The following ATXN7 variants were observed in gnomAD, a reference collection of about 807,000 sequenced individuals.
ATXN7 encodes the protein ataxin 7.
A neutral mutation model predicts 70.5 loss-of-function variants in ATXN7; 12 were observed. The observed-to-expected ratio is 0.17, with a 90% CI of 0.11 to 0.28. The LOEUF is 0.28. ATXN7 is among the 10% of genes least tolerant of loss of function. The pLI is 1.00. For missense variants in ATXN7, 1,256 were observed against 1,131.7 expected, an observed-to-expected ratio of 1.11 and a Z score of -1.58; for synonymous variants, 498 against 448.7, an observed-to-expected ratio of 1.11 and a Z score of -1.39.
At chr3:63,957,037 G>A (rs1055534314) in intron 5 of ATXN7, among the ~76,000 whole-genome samples, 2 of 152,132 alleles carry the variant, frequency 1.3e-5, no homozygotes, top group African/African-American at 2.4e-5. Flanking sequence ...CATTTACTCT[G>A]GATCTGAATG....
intron 2 of ATXN7, among the ~76,000 whole-genome samples, chr3:63,899,356 C>T (rs1703544229): frequency 6.6e-6 from 1 of 152,128 alleles, no homozygotes; most frequent in Non-Finnish European, 1.5e-5. Context: ...GCCACCAACG[C>T]CTGGCACATT....
intron 8 of ATXN7, among the ~76,000 whole-genome samples, chr3:63,984,474 G>A (rs1478192027): frequency 2.0e-5 from 3 of 152,196 alleles, no homozygotes; most frequent in East Asian, 3.9e-4. Flanking sequence ...CTAAGAGAAT[G>A]TGTGAAAGCA....
intron 1 of ATXN7, among the ~76,000 whole-genome samples, chr3:63,881,783 C>T (rs1289321562): frequency 6.6e-6 from 1 of 152,156 alleles, no homozygotes; most frequent in African/African-American, 2.4e-5. Flanking sequence ...CCACTGCACC[C>T]AGCCGCTTGA....
intron 1 of ATXN7, among the ~76,000 whole-genome samples, chr3:63,875,468 C>T (rs550610744): frequency 5.9e-5 from 9 of 152,164 alleles, no homozygotes; most frequent in Admixed American, 2.6e-4. Context: ...GTCTAGTAGT[C>T]ACCTTGGTAA....
chr3:63,897,079 A>G (rs1487578344), intron 1 of ATXN7, among the ~76,000 whole-genome samples: 2 of 152,242 alleles, frequency 1.3e-5, no homozygotes, highest in African/African-American at 4.8e-5. Flanking sequence ...TGTCTCTATC[A>G]TGACAATTTG....
At chr3:63,981,375 C>G (rs1411159113) in intron 6 of ATXN7, among the ~76,000 whole-genome samples, 1 of 152,234 alleles carries the variant, frequency 6.6e-6, no homozygotes, top group African/African-American at 2.4e-5. Flanking sequence ...GCCAGCTTAA[C>G]AGCTGTTAGA....
chr3:63,911,586 A>G (rs577658202), intron 2 of ATXN7: 1 of 152,284 alleles, frequency 6.6e-6, no homozygotes, highest in South Asian at 2.1e-4. Flanking sequence ...TGGTGCCTCT[A>G]AAATATGTAC....
chr3:63,912,988 C>G (rs529226400), intron 3 of ATXN7, 65 bp downstream of exon 3: 1 of 1,392,398 alleles, frequency 7.2e-7, no homozygotes, highest in Non-Finnish European at 9.8e-7. Flanking sequence ...CCTCCCCTCC[C>G]CCCTGCCCCC....
intron 4 of ATXN7, among the ~76,000 whole-genome samples, chr3:63,935,390 T>G (rs941527863): frequency 1.3e-5 from 2 of 152,178 alleles, no homozygotes; most frequent in East Asian, 3.9e-4. Flanking sequence ...TTCTCTTGTT[T>G]TAGTATTTCT....
chr3:63,952,093 G>A (rs2074964188), intron 4 of ATXN7, among the ~76,000 whole-genome samples: 1 of 152,114 alleles, frequency 6.6e-6, no homozygotes, highest in Admixed American at 6.6e-5. Context: ...TTAACTCTTG[G>A]TAGAGTTCAT....
Position 63,980,123 on chromosome 3 carries a change from G to A in ATXN7, c.708G>A (p.Arg236=). 2 of 1,614,162 alleles carry A rather than the reference G, an allele frequency of 1.2e-6. No individual in the cohort carries two copies. Among genetic ancestry groups the A allele is most frequent in the Non-Finnish European group, 1.7e-6 (2 of 1,180,022 alleles). Residue 236 remains arginine, a synonymous_variant, in exon 6 of 13, where the codon AGG becomes AGA. Coordinates refer to ENST00000674280, the MANE Select transcript of ATXN7 (RefSeq NM_001377405.1). Reference sequence around the variant, plus strand: ...AACTGCAGCTCAGGGGGAACACCAGGCCAATGCATCCCATTCAGCAAAGTA... The same window carrying A: ...AACTGCAGCTCAGGGGGAACACCAGACCAATGCATCCCATTCAGCAAAGTA... ...KEKLQLRGNT[R]PMHPIQQSRV... is the part of the protein sequence containing the mutation.
chr3:63,876,864 T>TC (rs1702760850), intron 1 of ATXN7, among the ~76,000 whole-genome samples: 1 of 152,244 alleles, frequency 6.6e-6, no homozygotes, highest in South Asian at 2.1e-4. Context: ...CTGCATATGA[T>TC]ATCATCTGCA....
In ATXN7 at chr3:64,001,220, A is replaced by G. The variant is rs554914439; in HGVS notation, c.*1753A>G. 1 of 152,346 alleles carries G rather than the reference A, an allele frequency of 6.6e-6. No individual in the cohort carries two copies. Among genetic ancestry groups the G allele is most frequent in the South Asian group, 2.1e-4 (1 of 4,824 alleles). 9.4% of individuals were successfully genotyped at this position (152,346 alleles called of 1,614,324 possible). On this transcript the variant is annotated 3_prime_UTR_variant, in exon 13 of 13. Coordinates refer to ENST00000674280, the MANE Select transcript of ATXN7 (RefSeq NM_001377405.1). ...ATACTTTAGCTATAAATTGATGTAAAATACTGATTTTTTTAAAGGAAGGAG... is the reference window on the plus strand; with the variant it reads ...ATACTTTAGCTATAAATTGATGTAAGATACTGATTTTTTTAAAGGAAGGAG...
At position 63,912,684 on chromosome 3, in the gene ATXN7, GGCAGCA is replaced by G. The variant is rs193922929; in HGVS notation, c.113_118del (p.Gln38_Gln39del). 1,358 of 1,087,052 alleles carry G rather than the reference GGCAGCA, an allele frequency of 1.2e-3. No homozygotes were observed. The highest frequency in any genetic ancestry group is 3.6e-3 in the African/African-American group (205 of 57,714). 67.3% of individuals were successfully genotyped at this position (1,087,052 alleles called of 1,614,324 possible). A position where few individuals can be genotyped will look rare whatever the true frequency, so the allele number is the denominator to read the frequency against. ...GGCGGAGCAGCGGCCGCGGCCGCCC[GGCAGCA>G]GCAGCAGCAGCAGCAGCAGCAGCAG... is the stretch of plus-strand genomic sequence containing the variant. On this transcript the variant is annotated inframe_deletion, in exon 3 of 13. Coordinates refer to ENST00000674280, the MANE Select transcript of ATXN7 (RefSeq NM_001377405.1).
At chr3:63,997,801 G>A (rs972668581) in intron 12 of ATXN7, 16 of 1,476,792 alleles carry the variant, frequency 1.1e-5, no homozygotes, top group African/African-American at 5.7e-5. Flanking sequence ...TAGTATTTTC[G>A]TAGTGTGATA....
chr3:63,961,045 G>T lies in ATXN7; in HGVS notation c.499+8562G>T, dbSNP rs146044428. Among the ~76,000 whole-genome samples, 37 of 152,178 alleles carry T rather than the reference G, an allele frequency of 2.4e-4. 2 individuals carry two copies. In the East Asian group the frequency reaches 5.6e-3, roughly 23 times the overall value. ...TATTAAAATAAAATACATTGTAAAA[G>T]AAATTAAACAACCAGAGGATAAGTA... On this transcript the variant is annotated intron_variant, in intron 5 of 12. Coordinates refer to ENST00000674280, the MANE Select transcript of ATXN7 (RefSeq NM_001377405.1).
chr3:63,980,671 T>C (rs1468241177), intron 6 of ATXN7: 2 of 161,948 alleles, frequency 1.2e-5, no homozygotes, highest in East Asian at 1.7e-4. Context: ...TTAGTTAATA[T>C]ATGTCTAGCA....
At position 63,980,051 on chromosome 3, in the gene ATXN7, T is replaced by C; in HGVS notation, c.636T>C (p.Leu212=). Residue 212 remains leucine, a synonymous_variant, in exon 6 of 13, where the codon CTT becomes CTC. Transcript: ENST00000674280. The stretch of plus-strand genomic sequence containing the variant: ...ACCGTTCTTCCAGTGGAGGTGTTCT[T>C]AGCGCATCCTCATCAAGTTCCAAGT... ...GSNRSSSGGV[L]SASSSSSKLL... 1 of 1,614,186 alleles carries C rather than the reference T, an allele frequency of 6.2e-7. No individual in the cohort carries two copies. The highest frequency in any genetic ancestry group is 8.5e-7 in the Non-Finnish European group (1 of 1,180,044).
chr3:63,937,173 C>T (rs1031717589), intron 4 of ATXN7, among the ~76,000 whole-genome samples: 3 of 152,022 alleles, frequency 2.0e-5, no homozygotes, highest in African/African-American at 4.8e-5. Context: ...TAAGCATGGA[C>T]GTAAATAAGG....
Sources: allele counts gnomAD v4.1 joint callset (sites outside exome capture counted in the v4.1 genomes callset), GRCh38; gene constraint gnomAD v4.1.1; transcripts MANE v1.5; gene names NCBI Gene and HGNC (gene_info 2026-07-23, HGNC 2026-07-21).